Variants in EYS observed in about 807,000 individuals in gnomAD.
EYS encodes the protein EGF-like photoreceptor maintenance factor.
Under a neutral mutation model 282.1 loss-of-function variants are expected in EYS, and 250 were observed. The ratio of observed to expected loss-of-function variants is 0.89; its 90% CI spans 0.80 to 0.98. The LOEUF is 0.98. EYS is among the 50% of genes least tolerant of loss of function. The probability of loss-of-function intolerance (pLI) is 0.00; values close to 1 mark genes in which losing one functional copy is unlikely to be tolerated. For synonymous variants in EYS, 1,355 were observed against 1,282.9 expected (o/e 1.06, Z -1.20); for missense variants, 4,016 against 3,709.0 (o/e 1.08, Z -2.15).
intron 32 of EYS, among the ~76,000 whole-genome samples, chr6:64,074,381 CAA>C (rs907931715): frequency 6.0e-5 from 9 of 150,976 alleles, no homozygotes; most frequent in African/African-American, 1.9e-4. Context: ...CATGGAGAAA[CAA>C]TGATATTCTA....
chr6:65,668,874 T>A (rs1486500682), intron 1 of EYS, among the ~76,000 whole-genome samples: 1 of 151,898 alleles, frequency 6.6e-6, no homozygotes. Context: ...CTTTAAGCTT[T>A]TGAAAAAATG....
chr6:64,551,736 T>G (rs1269943581), intron 26 of EYS, among the ~76,000 whole-genome samples: 1 of 151,944 alleles, frequency 6.6e-6, no homozygotes, highest in Non-Finnish European at 1.5e-5. Context: ...AGGGTTTCGC[T>G]AAAACTAGTG....
At chr6:64,843,073 C>A (rs1241311883) in intron 19 of EYS, among the ~76,000 whole-genome samples, 1 of 152,144 alleles carries the variant, frequency 6.6e-6, no homozygotes, top group Non-Finnish European at 1.5e-5. Flanking sequence ...ATGGGCTGGG[C>A]CCAGGGTCTC....
chr6:65,580,738 T>C (rs1764837340), intron 2 of EYS, among the ~76,000 whole-genome samples: 1 of 152,034 alleles, frequency 6.6e-6, no homozygotes, highest in Non-Finnish European at 1.5e-5. Context: ...CTTGATTCCA[T>C]TGTTCTATAT....
intron 29 of EYS, among the ~76,000 whole-genome samples, chr6:64,363,395 T>C (rs1192120187): frequency 6.6e-6 from 1 of 151,932 alleles, no homozygotes; most frequent in Non-Finnish European, 1.5e-5. Flanking sequence ...CTGAGAGGCA[T>C]GCTTGAGTGG....
At chr6:65,026,146 T>C (rs1236843694) in intron 13 of EYS, among the ~76,000 whole-genome samples, 1 of 152,204 alleles carries the variant, frequency 6.6e-6, no homozygotes, top group East Asian at 1.9e-4. Context: ...ATTTTATTTA[T>C]GAAATCTTTA....
At chr6:65,147,477 G>T (rs1764507854) in intron 12 of EYS, among the ~76,000 whole-genome samples, 1 of 151,886 alleles carries the variant, frequency 6.6e-6, no homozygotes. Context: ...GCAGTTATTT[G>T]CAAGATACAA....
chr6:63,759,085 A>G (rs145595528), intron 41 of EYS, among the ~76,000 whole-genome samples: 137 of 152,228 alleles, frequency 9.0e-4, no homozygotes, highest in Non-Finnish European at 1.7e-3. Context: ...GTGCTTATTA[A>G]TGCTATCTTG....
chr6:64,602,041 A>G (rs1212151116), intron 24 of EYS, among the ~76,000 whole-genome samples: 1 of 152,078 alleles, frequency 6.6e-6, no homozygotes, highest in East Asian at 1.9e-4. Context: ...AAACTTTTCT[A>G]CTATCTACAT....
intron 29 of EYS, among the ~76,000 whole-genome samples, chr6:64,340,276 CA>C (rs929949926): frequency 3.3e-5 from 5 of 150,790 alleles, no homozygotes; most frequent in Admixed American, 1.3e-4. Flanking sequence ...CAATTCTAAG[CA>C]AAAAAATGAA....
At chr6:65,581,359 C>T (rs1764862953) in intron 2 of EYS, among the ~76,000 whole-genome samples, 1 of 152,066 alleles carries the variant, frequency 6.6e-6, no homozygotes, top group South Asian at 2.1e-4. Flanking sequence ...TTAAAAGCCA[C>T]TTAACAAAAA....
At chr6:65,639,651 A>G (rs1246403225) in intron 2 of EYS, 127 bp downstream of exon 2, 1 of 152,156 alleles carries the variant, frequency 6.6e-6, no homozygotes, top group Non-Finnish European at 1.5e-5. Context: ...GAAATTCTCT[A>G]GAGTAGGATG....
intron 31 of EYS, among the ~76,000 whole-genome samples, chr6:64,126,248 T>A (rs898847088): frequency 5.9e-5 from 9 of 152,014 alleles, no homozygotes; most frequent in Admixed American, 3.9e-4. Context: ...CAAAGGCACA[T>A]GCACACGTAT....
At chr6:65,492,242 T>C (rs772553454) in intron 4 of EYS, among the ~76,000 whole-genome samples, 4 of 152,120 alleles carry the variant, frequency 2.6e-5, no homozygotes, top group African/African-American at 4.8e-5. Flanking sequence ...GTAAGCATTA[T>C]TTAGGTATTT....
At chr6:65,572,646 G>A (rs1231055788) in intron 2 of EYS, among the ~76,000 whole-genome samples, 1 of 152,120 alleles carries the variant, frequency 6.6e-6, no homozygotes, top group African/African-American at 2.4e-5. Flanking sequence ...GCGATACCAT[G>A]TAGTCTAGGT....
At chr6:64,904,684 A>T (rs1767769256) in intron 16 of EYS, among the ~76,000 whole-genome samples, 1 of 152,158 alleles carries the variant, frequency 6.6e-6, no homozygotes, top group Non-Finnish European at 1.5e-5. Context: ...TGTTCTTTTG[A>T]GGCAGTGGAA....
At chr6:65,263,058 AAGCAGGTTACAGTGACAAACGCCTAT>A (rs1767660052) in intron 12 of EYS, among the ~76,000 whole-genome samples, 1 of 152,104 alleles carries the variant, frequency 6.6e-6, no homozygotes, top group Non-Finnish European at 1.5e-5. Flanking sequence ...ACAATGCAAG[AAGCAGGTTACAGTGACAAACGCCTAT>A]AATCCCAGCC....
Position 64,477,636 on chromosome 6 carries a change from T to C in EYS, c.5645-38284A>G, listed in dbSNP as rs149281971. Among the ~76,000 whole-genome samples, 1,331 of 152,256 alleles carry C rather than the reference T, an allele frequency of 8.7e-3. 27 individuals are homozygous for C. Among genetic ancestry groups the C allele is most frequent in the African/African-American group, 0.029 (1,222 of 41,550 alleles). On this transcript the variant is annotated intron_variant, in intron 26 of 42. Coordinates refer to ENST00000503581, the MANE Select transcript of EYS (RefSeq NM_001142800.2). ...AGATGTATCTTCAATCTTCTGCTTATAATTTATCCATACTTTTCACTAGAA... is the reference window on the plus strand; with the variant it reads ...AGATGTATCTTCAATCTTCTGCTTACAATTTATCCATACTTTTCACTAGAA...
chr6:65,286,533 T>A (rs889997229), intron 12 of EYS, among the ~76,000 whole-genome samples: 1 of 151,830 alleles, frequency 6.6e-6, no homozygotes, highest in Non-Finnish European at 1.5e-5. Context: ...TATACATATA[T>A]CTTCAAAATT....
Sources: allele counts gnomAD v4.1 joint callset (sites outside exome capture counted in the v4.1 genomes callset), GRCh38; gene constraint gnomAD v4.1.1; transcripts MANE v1.5; gene names NCBI Gene and HGNC (gene_info 2026-07-23, HGNC 2026-07-21).